Variants in DNMBP observed in about 807,000 individuals in gnomAD.
The protein encoded by DNMBP is dynamin binding protein.
Under a neutral mutation model 150.0 loss-of-function variants are expected in DNMBP, and 87 were observed. The ratio of observed to expected loss-of-function variants is 0.58; its 90% confidence interval spans 0.49 to 0.69. DNMBP has a LOEUF of 0.69. DNMBP is among the 30% of genes least tolerant of loss of function. The probability of loss-of-function intolerance (pLI) is 0.00; values close to 1 mark genes in which losing one functional copy is unlikely to be tolerated. For missense variants in DNMBP, 1,774 were observed against 1,949.0 expected (o/e 0.91, Z 1.69); for synonymous variants, 711 against 750.4 (o/e 0.95, Z 0.86).
At chr10:99,904,206 G>A (rs191063006) in intron 6 of DNMBP, among the ~76,000 whole-genome samples, 1 of 152,110 alleles carries the variant, frequency 6.6e-6, no homozygotes, top group African/African-American at 2.4e-5. Flanking sequence ...AGTGAGCTGT[G>A]ATCACACTGC....
At chr10:99,986,672 G>A (rs981040630) in intron 1 of DNMBP, among the ~76,000 whole-genome samples, 6 of 146,882 alleles carry the variant, frequency 4.1e-5, no homozygotes, top group Non-Finnish European at 8.9e-5. Context: ...TGAAGAAAAC[G>A]GACAACAAAC....
At chr10:100,005,914 C>T (rs2041065636) in intron 1 of DNMBP, among the ~76,000 whole-genome samples, 1 of 152,172 alleles carries the variant, frequency 6.6e-6, no homozygotes, top group African/African-American at 2.4e-5. Context: ...AGAATGAACA[C>T]CTGTGAGACA....
intron 4 of DNMBP, among the ~76,000 whole-genome samples, chr10:99,938,747 T>C (rs2040261638): frequency 1.3e-5 from 2 of 152,170 alleles, no homozygotes; most frequent in African/African-American, 2.4e-5. Flanking sequence ...TGGGTTGCCA[T>C]TTTTGAGTAA....
intron 1 of DNMBP, among the ~76,000 whole-genome samples, chr10:99,987,771 G>A (rs2040844116): frequency 6.6e-6 from 1 of 151,824 alleles, no homozygotes; most frequent in African/African-American, 2.4e-5. Context: ...AGAAACAGGT[G>A]GGAGATTTAT....
At position 99,930,095 on chromosome 10, in the gene DNMBP, A is replaced by G. The variant is rs1227267496; in HGVS notation, c.2261-20949T>C. 4 of 702,796 alleles carry G rather than the reference A, an allele frequency of 5.7e-6. No individual in the cohort carries two copies. In the East Asian group the frequency reaches 8.0e-5, roughly 14 times the overall value. 43.5% of individuals were successfully genotyped at this position (702,796 alleles called of 1,614,324 possible). ...TAAATTCCTTATCTTCATTGACACC[A>G]TTCGAATCTGAAAAGCTCACAGGCT... On this transcript the variant is annotated intron_variant, in intron 4 of 16. Transcript: ENST00000324109.
intron 4 of DNMBP, among the ~76,000 whole-genome samples, chr10:99,925,778 TACACAA>T (rs1304438774): frequency 2.6e-5 from 4 of 152,204 alleles, no homozygotes; most frequent in African/African-American, 4.8e-5. Flanking sequence ...CACATACACA[TACACAA>T]AGTATTACAT....
intron 4 of DNMBP, chr10:99,929,832 C>A (rs1170463743): frequency 1.4e-6 from 1 of 702,988 alleles, no homozygotes; most frequent in Admixed American, 2.0e-5. Context: ...CAGAAGGATC[C>A]TGCTGCCCCC....
chr10:99,889,144 TAA>T, intron 11 of DNMBP, 191 bp from the exon 12 acceptor site: 1 of 583,704 alleles, frequency 1.7e-6, no homozygotes. Flanking sequence ...AGAGAAAGGC[TAA>T]GACTTTTAAT....
intron 4 of DNMBP, among the ~76,000 whole-genome samples, chr10:99,917,228 G>A (rs189395830): frequency 1.3e-4 from 20 of 152,158 alleles, no homozygotes; most frequent in Admixed American, 7.2e-4. Context: ...GTGGTGGCAC[G>A]CGCCTATAAT....
intron 4 of DNMBP, among the ~76,000 whole-genome samples, chr10:99,915,635 G>A (rs1373797232): frequency 6.6e-6 from 1 of 151,928 alleles, no homozygotes; most frequent in Admixed American, 6.6e-5. Flanking sequence ...GGATCACCTG[G>A]GCCTTCGAGG....
chr10:99,885,219 C>CA (rs1485078829), intron 14 of DNMBP, among the ~76,000 whole-genome samples: 2 of 151,818 alleles, frequency 1.3e-5, no homozygotes, highest in African/African-American at 4.8e-5. Context: ...CCCTCCCCCC[C>CA]ACAAAAAAAG....
chr10:99,944,717 T>C (rs575606326), intron 4 of DNMBP, among the ~76,000 whole-genome samples: 41 of 128,280 alleles, frequency 3.2e-4, no homozygotes, highest in African/African-American at 1.2e-3. Context: ...AAATGATGTT[T>C]CATTCCCCAA....
In DNMBP at chr10:99,877,127, G is replaced by A. The variant is rs1399764049; in HGVS notation, c.*24C>T. On this transcript the variant is annotated 3_prime_UTR_variant, in exon 17 of 17. Transcript: ENST00000324109. Reference sequence around the variant, plus strand: ...GGCGGACTGAAAGCAAAGGCAGCAAGGCTGGGTGGCAGGCAACGTGGGCTC... The same window carrying A: ...GGCGGACTGAAAGCAAAGGCAGCAAAGCTGGGTGGCAGGCAACGTGGGCTC... 2.5e-6 allele frequency: 4 copies of A among 1,590,220 alleles called. No homozygotes were observed. Among genetic ancestry groups the A allele is most frequent in the Non-Finnish European group, 2.6e-6 (3 of 1,167,838 alleles).
chr10:99,955,957 G>C lies in DNMBP; in HGVS notation c.1517C>G (p.Thr506Ser). 6.2e-7 allele frequency: 1 copy of C among 1,614,160 alleles called. No individual in the cohort carries two copies. Among genetic ancestry groups the C allele is most frequent in the African/African-American group, 1.3e-5 (1 of 75,044 alleles). The change falls in exon 4 of 17, where the codon ACT (threonine) becomes AGT (serine). Residue 506 changes from threonine (T) to serine (S), a missense_variant. By Grantham distance (58) the Thr-to-Ser change is moderately conservative. Around this residue, in one of 2 missense-constraint regions of DNMBP, gnomAD observed 1,430 missense variants for 1,492.5 expected, o/e 0.96. Transcript: ENST00000324109. ...AACACTGGACGTGTGGTGCTTTTTA[G>C]TATAACTTGCTAGGTTGTGGAGCTG... ...SPQLHNLASYTKKHHTSSVYS... is the reference protein window; with the variant it reads ...SPQLHNLASYSKKHHTSSVYS...
rs2040275592 is a variant in DNMBP at position 99,939,909 on chromosome 10, C to G, written c.2260+15305G>C. 3.3e-5 allele frequency among the ~76,000 whole-genome samples: 5 copies of G among 152,210 alleles called. 2 individuals carry two copies. In the South Asian group the frequency reaches 1.0e-3, roughly 32 times the overall value. The stretch of plus-strand genomic sequence containing the variant: ...CAGAAAGGGACTTGGTACAGGAGGA[C>G]CACTGTCCACATCCCTATGGTTGCA... On this transcript the variant is annotated intron_variant, in intron 4 of 16. Transcript: ENST00000324109.
Position 99,955,767 on chromosome 10 carries a change from C to T in DNMBP, c.1707G>A (p.Glu569=). ...AAAAGTGGCGTAAAATTTTATCTGG[C>T]TCTGTGCCGGGCCCTGCCAAGCTCT... ...FEKSLAGPGT[E]PDKILRHFSI... Residue 569 remains glutamate, a synonymous_variant, in exon 4 of 17, where the codon GAG becomes GAA. Transcript: ENST00000324109. 1 of 1,614,212 alleles carries T rather than the reference C, an allele frequency of 6.2e-7. No individual in the cohort carries two copies. Among genetic ancestry groups the T allele is most frequent in the Non-Finnish European group, 8.5e-7 (1 of 1,180,046 alleles).
At chr10:99,999,352 C>T (rs2040986805) in intron 1 of DNMBP, among the ~76,000 whole-genome samples, 1 of 152,224 alleles carries the variant, frequency 6.6e-6, no homozygotes, top group Non-Finnish European at 1.5e-5. Flanking sequence ...ACCTCAGTTT[C>T]TCCATCTATA....
intron 15 of DNMBP, among the ~76,000 whole-genome samples, chr10:99,883,430 C>T (rs551525873): frequency 6.6e-6 from 1 of 151,724 alleles, no homozygotes; most frequent in East Asian, 2.0e-4. Context: ...TTAGGAGGTC[C>T]AGGCAGGAGG....
chr10:99,891,916 T>TG lies in DNMBP; in HGVS notation c.3157-2964dup, dbSNP rs1201632881. Among the ~76,000 whole-genome samples, 32 of 128,100 alleles carry TG rather than the reference T, an allele frequency of 2.5e-4. 1 individual carries two copies. The highest frequency in any genetic ancestry group is 2.4e-3 in the South Asian group (9 of 3,734). 84.0% of individuals were successfully genotyped at this position (128,100 alleles called of 152,430 possible). ...TCTGCCGCCCCGTCCGGGAGGGAGG[T>TG]GGGGGGGTCAGCCCCCTGCCCGGCC... On this transcript the variant is annotated intron_variant, in intron 11 of 16. Coordinates refer to ENST00000324109, the MANE Select transcript of DNMBP (RefSeq NM_015221.4).
Sources: gnomAD v4.1 joint callset for allele counts (sites outside exome capture counted in the v4.1 genomes callset) on GRCh38, gnomAD v4.1.1 for gene constraint, gnomAD v4.1.1 regional missense constraint, MANE v1.5 for transcripts, NCBI Gene and HGNC (gene_info 2026-07-23, HGNC 2026-07-21) for gene names.